KLHDC10: variants seen among roughly 807,000 people sequenced by gnomAD.
The protein encoded by KLHDC10 is kelch domain containing 10, also known as kelch domain-containing protein 10.
Under a neutral mutation model 56.1 loss-of-function variants are expected in KLHDC10, and 24 were observed. The ratio of observed to expected loss-of-function variants is 0.43; its 90% CI spans 0.31 to 0.60. KLHDC10 has a LOEUF of 0.60. KLHDC10 is among the 20% of genes least tolerant of loss of function. The pLI is 0.11. For missense variants in KLHDC10, 349 were observed against 567.0 expected (o/e 0.62, Z 3.91); for synonymous variants, 188 against 207.1 (o/e 0.91, Z 0.79).
intron 2 of KLHDC10, among the ~76,000 whole-genome samples, chr7:130,114,401 T>C (rs2116898766): frequency 6.6e-6 from 1 of 152,300 alleles, no homozygotes; most frequent in Non-Finnish European, 1.5e-5. Flanking sequence ...TATAAGCCAA[T>C]AAACATTTCA....
chr7:130,121,717 T>C (rs1423761926), intron 4 of KLHDC10, among the ~76,000 whole-genome samples: 4 of 152,238 alleles, frequency 2.6e-5, no homozygotes, highest in Admixed American at 2.6e-4. Flanking sequence ...TGAGAGCATT[T>C]TTCTTCAGAC....
chr7:130,106,680 G>A (rs1796011900), intron 2 of KLHDC10, among the ~76,000 whole-genome samples: 1 of 152,146 alleles, frequency 6.6e-6, no homozygotes, highest in Non-Finnish European at 1.5e-5. Context: ...TGTTACATTT[G>A]AATACAAACT....
rs1313824458 is a variant in KLHDC10, at chr7:130,085,854, A to G, written c.167-11067A>G. On this transcript the variant is annotated intron_variant, in intron 1 of 9. Coordinates refer to ENST00000335420, the MANE Select transcript of KLHDC10 (RefSeq NM_014997.4). ...TTCTCAAAAAAAAAAAAAAAAAAAA[A>G]AATTAACAACAACAATAAAATAAAA... Among the ~76,000 whole-genome samples, 2 of 151,106 alleles carry G rather than the reference A, an allele frequency of 1.3e-5. 1 individual carries two copies.
At chr7:130,077,618 C>T (rs2116838488) in intron 1 of KLHDC10, among the ~76,000 whole-genome samples, 1 of 143,686 alleles carries the variant, frequency 7.0e-6, no homozygotes, top group African/African-American at 2.5e-5. Flanking sequence ...TGCAGTGGCA[C>T]CATCTTGGCT....
rs1179900679 is a variant in KLHDC10 at position 130,135,108 on chromosome 7, A to AC, written c.*4362_*4363insC. 1 of 144,686 alleles carries AC rather than the reference A, an allele frequency of 6.9e-6. No individual in the cohort carries two copies. The highest frequency in any genetic ancestry group is 2.5e-5 in the African/African-American group (1 of 40,390). 9.0% of individuals were successfully genotyped at this position (144,686 alleles called of 1,614,324 possible). On this transcript the variant is annotated 3_prime_UTR_variant, in exon 10 of 10. Transcript: ENST00000335420. ...TTTAATTTGAAAAAAAAAAAAAAAAAAAAACAACTTTTTATAAGTTTTTTA... is the reference window on the plus strand; with the variant it reads ...TTTAATTTGAAAAAAAAAAAAAAAAACAAAACAACTTTTTATAAGTTTTTTA...
Position 130,120,655 on chromosome 7 carries a change from C to A in KLHDC10, c.476-94C>A. On this transcript the variant is annotated intron_variant, in intron 3 of 9. Transcript: ENST00000335420. This position sits in a 1 kb window ranked among gnomAD's most constrained non-coding sequence, Gnocchi z 5.1. The stretch of plus-strand genomic sequence containing the variant: ...GAGCTATCTTATGAGATCATTAAAG[C>A]AGATATGTGTAGCTTCTCAGATATT... The A allele has an allele frequency of 7.6e-7, 1 of 1,317,056 alleles. No individual in the cohort carries two copies. Among genetic ancestry groups the A allele is most frequent in the Non-Finnish European group, 1.1e-6 (1 of 934,032 alleles). 81.6% of individuals were successfully genotyped at this position (1,317,056 alleles called of 1,614,324 possible). A position where few individuals can be genotyped will look rare whatever the true frequency, so the allele number is the denominator to read the frequency against.
intron 2 of KLHDC10, among the ~76,000 whole-genome samples, chr7:130,111,457 A>G (rs1239830576): frequency 1.3e-5 from 2 of 152,134 alleles, no homozygotes; most frequent in African/African-American, 4.8e-5. Context: ...TGATCCCAGC[A>G]CTTTGGATGG....
intron 2 of KLHDC10, among the ~76,000 whole-genome samples, chr7:130,097,306 ATAATC>A (rs1188093694): frequency 3.3e-5 from 5 of 152,196 alleles, no homozygotes; most frequent in African/African-American, 1.2e-4. Flanking sequence ...TTTTGAGTGA[ATAATC>A]TATAAAATAT....
At chr7:130,076,954 T>C (rs1252396057) in intron 1 of KLHDC10, among the ~76,000 whole-genome samples, 1 of 152,178 alleles carries the variant, frequency 6.6e-6, no homozygotes, top group Non-Finnish European at 1.5e-5. Flanking sequence ...CTCTGTCCTG[T>C]TGGCATTTTT....
chr7:130,122,741 G>A (rs55649176), intron 5 of KLHDC10, among the ~76,000 whole-genome samples: 30,621 of 152,076 alleles, frequency 0.2, 3,674 homozygotes, highest in Non-Finnish European at 0.27. Flanking sequence ...AGATGAGGCC[G>A]CACCGTGTTG....
chr7:130,089,968 G>A (rs1795748449), intron 1 of KLHDC10, among the ~76,000 whole-genome samples: 1 of 151,242 alleles, frequency 6.6e-6, no homozygotes, highest in Admixed American at 6.6e-5. Context: ...CGCAACCTCT[G>A]CCTCCTAAGT....
rs950026923 is a variant in KLHDC10 at position 130,120,333 on chromosome 7, T to G, written c.476-416T>G. ...GTCATATATGCCTAGCAATGAACTA[T>G]GTGATAGAGCCCATATAGTGGAATT... is the stretch of plus-strand genomic sequence containing the variant. On this transcript the variant is annotated intron_variant, in intron 3 of 9. Coordinates refer to ENST00000335420, the MANE Select transcript of KLHDC10 (RefSeq NM_014997.4). The surrounding 1 kb of genome is among the most constrained non-coding windows in gnomAD (Gnocchi z 5.1). Among the ~76,000 whole-genome samples the G allele has an allele frequency of 6.6e-6, 1 of 152,226 alleles. No homozygotes were observed. The highest frequency in any genetic ancestry group is 2.4e-5 in the African/African-American group (1 of 41,472).
At chr7:130,128,889 A>AAAAAAATATATATAT in intron 8 of KLHDC10, among the ~76,000 whole-genome samples, 7 of 66,956 alleles carry the variant, frequency 1.0e-4, no homozygotes, top group African/African-American at 4.4e-4. Context: ...AAAAAAAAAA[A>AAAAAAATATATATAT]ATATATATAT....
At chr7:130,081,349 T>C (rs1204826409) in intron 1 of KLHDC10, among the ~76,000 whole-genome samples, 1 of 145,484 alleles carries the variant, frequency 6.9e-6, no homozygotes, top group Non-Finnish European at 1.5e-5. Flanking sequence ...ATGGAGTCTC[T>C]CCCTTGTCAC....
rs1796422625 is a variant in KLHDC10 at position 130,133,130 on chromosome 7, T to C, written c.*2384T>C. 1 of 152,252 alleles carries C rather than the reference T, an allele frequency of 6.6e-6. No homozygotes were observed. The highest frequency in any genetic ancestry group is 1.5e-5 in the Non-Finnish European group (1 of 68,040). 9.4% of individuals were successfully genotyped at this position (152,252 alleles called of 1,614,324 possible). A position where few individuals can be genotyped will look rare whatever the true frequency, so the allele number is the denominator to read the frequency against. ...TATAACACTAGTAAAAATGACATGG[T>C]ATGACCAGCACTGAGTGCTATAGAA... On this transcript the variant is annotated 3_prime_UTR_variant, in exon 10 of 10. Coordinates refer to ENST00000335420, the MANE Select transcript of KLHDC10 (RefSeq NM_014997.4).
intron 2 of KLHDC10, among the ~76,000 whole-genome samples, chr7:130,101,747 G>A (rs919490466): frequency 6.6e-6 from 1 of 152,018 alleles, no homozygotes; most frequent in Non-Finnish European, 1.5e-5. Context: ...GAAGTGGGCA[G>A]ATCACGAGGT....
intron 2 of KLHDC10, among the ~76,000 whole-genome samples, chr7:130,107,716 C>T (rs937152756): frequency 1.3e-5 from 2 of 151,612 alleles, no homozygotes; most frequent in African/African-American, 4.8e-5. Flanking sequence ...TCGTGGTGCA[C>T]GCCTGTAATC....
intron 1 of KLHDC10, among the ~76,000 whole-genome samples, chr7:130,074,292 T>C (rs1285487534): frequency 6.6e-6 from 1 of 152,180 alleles, no homozygotes; most frequent in Non-Finnish European, 1.5e-5. Context: ...AAAATGTTTT[T>C]TTACATGGAA....
chr7:130,122,837 C>A (rs887711174), intron 5 of KLHDC10, among the ~76,000 whole-genome samples: 2 of 152,184 alleles, frequency 1.3e-5, no homozygotes, highest in Non-Finnish European at 2.9e-5. Context: ...TGTGAGCCAC[C>A]AAGCTGAGCC....
Sources: gnomAD v4.1 joint callset for allele counts (sites outside exome capture counted in the v4.1 genomes callset) on GRCh38, gnomAD v4.1.1 for gene constraint, Gnocchi (gnomAD v3.1) non-coding constraint, MANE v1.5 for transcripts, NCBI Gene and HGNC (gene_info 2026-07-23, HGNC 2026-07-21) for gene names.